Variants in CSMD1 observed in about 807,000 individuals in gnomAD.
CSMD1 encodes CUB and sushi domain-containing protein 1.
In CSMD1, 213 loss-of-function variants were observed where a neutral mutation model predicts 417.5. The ratio of observed to expected loss-of-function variants is 0.51; its 90% CI spans 0.46 to 0.57. The LOEUF (loss-of-function observed/expected upper bound fraction) is 0.57, where lower values mean the gene tolerates loss of function less well. Among genes scored for constraint, CSMD1 ranks in the 20% least tolerant of loss-of-function variants. The probability of loss-of-function intolerance (pLI) is 0.00; values close to 1 mark genes in which losing one functional copy is unlikely to be tolerated. For missense variants in CSMD1, 6,923 were observed against 4,529.7 expected (o/e 1.53, Z -15.17); for synonymous variants, 2,862 against 1,736.8 (o/e 1.65, Z -16.11).
chr8:3,294,853 C>G (rs1349412572), intron 25 of CSMD1, among the ~76,000 whole-genome samples: 1 of 152,072 alleles, frequency 6.6e-6, no homozygotes, highest in African/African-American at 2.4e-5. Context: ...TCCGACACTC[C>G]CCAGTGAGAT....
At chr8:3,520,189 A>C (rs556479580) in intron 10 of CSMD1, among the ~76,000 whole-genome samples, 13 of 152,206 alleles carry the variant, frequency 8.5e-5, no homozygotes, top group Admixed American at 1.3e-4. Context: ...TTTCACTTAA[A>C]TTATAATTTT....
chr8:3,841,164 GA>G (rs2129094237), intron 5 of CSMD1, among the ~76,000 whole-genome samples: 1 of 152,162 alleles, frequency 6.6e-6, no homozygotes, highest in East Asian at 1.9e-4. Context: ...TAAAATGGTG[GA>G]AATTGTGTTT....
In CSMD1 at chr8:3,189,950, G is replaced by C. The variant is rs761475841; in HGVS notation, c.5360C>G (p.Ala1787Gly). Residue 1787 changes from alanine (A) to glycine (G), a missense_variant, in exon 34 of 70, where the codon GCC becomes GGC. By Grantham distance (60) the Ala-to-Gly change is moderately conservative (BLOSUM62 0). Transcript: ENST00000635120. Reference protein sequence around the residue: ...TALHCQSVPNALAQWNDTIPS... With the variant: ...TALHCQSVPNGLAQWNDTIPS... ...GATCGTGTCGTTCCACTGTGCCAAGGCGTTGGGCACGGACTGGCAGTGGAG... is the reference window on the plus strand; with the variant it reads ...GATCGTGTCGTTCCACTGTGCCAAGCCGTTGGGCACGGACTGGCAGTGGAG... 3.1e-6 allele frequency: 5 copies of C among 1,595,816 alleles called. No individual in the cohort carries two copies. The highest frequency in any genetic ancestry group is 4.3e-6 in the Non-Finnish European group (5 of 1,171,642).
chr8:4,042,016 A>G (rs1393618214), intron 3 of CSMD1, among the ~76,000 whole-genome samples: 1 of 152,232 alleles, frequency 6.6e-6, no homozygotes, highest in Admixed American at 6.5e-5. Context: ...CTAAGAGCAC[A>G]GAGAATCAAT....
chr8:4,055,682 C>T (rs1017053276), intron 3 of CSMD1, among the ~76,000 whole-genome samples: 4 of 151,940 alleles, frequency 2.6e-5, no homozygotes, highest in South Asian at 2.1e-4. Context: ...ACCAAAGTAA[C>T]AATATACTTT....
At chr8:3,222,614 T>C (rs369108071) in intron 28 of CSMD1, among the ~76,000 whole-genome samples, 21 of 152,300 alleles carry the variant, frequency 1.4e-4, no homozygotes, top group African/African-American at 4.3e-4. Flanking sequence ...TGGCTTCAAC[T>C]GTTAACCCAT....
intron 3 of CSMD1, among the ~76,000 whole-genome samples, chr8:4,390,238 T>G (rs1305755006): frequency 2.0e-5 from 3 of 152,152 alleles, no homozygotes; most frequent in Admixed American, 1.3e-4. Context: ...TGTGCCTTCT[T>G]CTTGGGGAAA....
chr8:4,408,449 A>C (rs1796463538), intron 3 of CSMD1, among the ~76,000 whole-genome samples: 1 of 152,250 alleles, frequency 6.6e-6, no homozygotes, highest in African/African-American at 2.4e-5. Context: ...GGAGAATACA[A>C]ATAACTGCAT....
intron 1 of CSMD1, among the ~76,000 whole-genome samples, chr8:4,824,761 C>A (rs1310171990): frequency 6.6e-6 from 1 of 152,106 alleles, no homozygotes; most frequent in Admixed American, 6.6e-5. Context: ...CACTCAAAGA[C>A]AAAAGCTAAC....
chr8:3,961,819 T>A (rs1241709047), intron 5 of CSMD1, among the ~76,000 whole-genome samples: 6 of 152,202 alleles, frequency 3.9e-5, no homozygotes, highest in African/African-American at 7.2e-5. Context: ...CTAGAAATGC[T>A]ATTAAATAAA....
chr8:2,948,898 T>C (rs995456301), intron 68 of CSMD1, among the ~76,000 whole-genome samples: 2 of 151,924 alleles, frequency 1.3e-5, no homozygotes, highest in African/African-American at 4.8e-5. Context: ...TTTGTTACTA[T>C]ATAAATATAT....
intron 1 of CSMD1, among the ~76,000 whole-genome samples, chr8:4,971,851 G>A (rs1040226730): frequency 2.6e-5 from 4 of 151,898 alleles, no homozygotes; most frequent in African/African-American, 4.8e-5. Flanking sequence ...TTTTAATTCA[G>A]GAAGAAATGG....
chr8:4,071,900 T>TTAGG (rs1799578490), intron 3 of CSMD1, among the ~76,000 whole-genome samples: 1 of 152,204 alleles, frequency 6.6e-6, no homozygotes, highest in Non-Finnish European at 1.5e-5. Context: ...TCTGCTCCAC[T>TTAGG]TAGGCATAGC....
chr8:3,746,909 T>A (rs1797089519), intron 6 of CSMD1, among the ~76,000 whole-genome samples: 3 of 152,300 alleles, frequency 2.0e-5, no homozygotes, highest in African/African-American at 7.2e-5. Flanking sequence ...GTACAGTGGG[T>A]CAGGACACTG....
chr8:4,213,278 GGT>G (rs1800435387), intron 3 of CSMD1, among the ~76,000 whole-genome samples: 2 of 152,136 alleles, frequency 1.3e-5, no homozygotes, highest in African/African-American at 4.8e-5. Context: ...GGTCCTGTCA[GGT>G]CTAATGAGCA....
chr8:3,025,478 G>A lies in CSMD1; in HGVS notation c.7855+3841C>T, dbSNP rs141140616. On this transcript the variant is annotated intron_variant, in intron 51 of 69. Transcript: ENST00000635120. ...CTTCTGAAACTGTGTATTGTGTGGT[G>A]TTATTCTGAAACTGTGTATTGTGTG... Among the ~76,000 whole-genome samples the A allele has an allele frequency of 7.9e-3, 1,205 of 152,310 alleles. 14 individuals carry two copies. The highest frequency in any genetic ancestry group is 9.9e-3 in the Non-Finnish European group (672 of 68,024).
chr8:3,618,896 G>A (rs1299000759), intron 7 of CSMD1, among the ~76,000 whole-genome samples: 2 of 152,182 alleles, frequency 1.3e-5, no homozygotes, highest in Non-Finnish European at 2.9e-5. Flanking sequence ...GAGAGAAAGT[G>A]GCTGGCAGCA....
chr8:4,589,640 G>A (rs777807140), intron 2 of CSMD1, among the ~76,000 whole-genome samples: 1 of 152,080 alleles, frequency 6.6e-6, no homozygotes, highest in Non-Finnish European at 1.5e-5. Context: ...ATACTATTAG[G>A]CAAGTGTGTT....
At chr8:2,977,517 G>A in intron 55 of CSMD1, among the ~76,000 whole-genome samples, 1 of 152,170 alleles carries the variant, frequency 6.6e-6, no homozygotes, top group East Asian at 1.9e-4. Context: ...GGGCACTTGG[G>A]TTGATTCCAT....
Sources: allele counts gnomAD v4.1 joint callset (sites outside exome capture counted in the v4.1 genomes callset), GRCh38; gene constraint gnomAD v4.1.1; transcripts MANE v1.5; gene names NCBI Gene and HGNC (gene_info 2026-07-23, HGNC 2026-07-21).